NUMB: variants seen among roughly 807,000 people sequenced by gnomAD.
NUMB encodes NUMB endocytic adaptor protein.
A neutral mutation model predicts 59.7 loss-of-function variants in NUMB; 29 were observed. That is an observed-to-expected ratio of 0.49 (90% confidence interval 0.36 to 0.66). The LOEUF (loss-of-function observed/expected upper bound fraction) is 0.66. Among genes scored for constraint, NUMB ranks in the 30% least tolerant of loss-of-function variants. The pLI is 0.00. For synonymous variants in NUMB, 288 were observed against 288.2 expected, an observed-to-expected ratio of 1.00 and a Z score of 0.01; for missense variants, 723 against 822.0, an observed-to-expected ratio of 0.88 and a Z score of 1.47.
intron 7 of NUMB, among the ~76,000 whole-genome samples, chr14:73,295,142 T>G (rs1178110965): frequency 7.0e-6 from 1 of 143,032 alleles, no homozygotes; most frequent in African/African-American, 2.6e-5. Context: ...AGCAAGGCAA[T>G]CTGACAGAGC....
Position 73,377,456 on chromosome 14 carries a change from C to T in NUMB, c.-100-10475G>A, listed in dbSNP as rs148904805. 4.6e-3 allele frequency among the ~76,000 whole-genome samples: 707 copies of T among 152,096 alleles called. 5 individuals carry two copies. Among genetic ancestry groups the T allele is most frequent in the South Asian group, 0.029 (141 of 4,804 alleles). On this transcript the variant is annotated intron_variant, in intron 2 of 12. Coordinates refer to ENST00000555238, the MANE Select transcript of NUMB (RefSeq NM_001005743.2). ...CAGAGTTCGAGACCAGCCTGGCCAA[C>T]ATGATGAAACCCATCTCTACTAAAA... is the stretch of plus-strand genomic sequence containing the variant.
At chr14:73,387,622 C>T (rs1425133298) in intron 2 of NUMB, among the ~76,000 whole-genome samples, 1 of 151,528 alleles carries the variant, frequency 6.6e-6, no homozygotes, top group Non-Finnish European at 1.5e-5. Context: ...ATTAAAGAGA[C>T]CTCCGGTGAC....
chr14:73,350,288 C>T (rs1433171590), intron 4 of NUMB, among the ~76,000 whole-genome samples: 1 of 151,514 alleles, frequency 6.6e-6, no homozygotes, highest in Non-Finnish European at 1.5e-5. Context: ...ATTCTCCTGC[C>T]TCAGCCTCCC....
intron 6 of NUMB, among the ~76,000 whole-genome samples, chr14:73,304,566 C>T (rs963057464): frequency 1.3e-5 from 2 of 152,048 alleles, no homozygotes; most frequent in African/African-American, 4.8e-5. Flanking sequence ...CCTCAGCCTC[C>T]CAAAGTATTA....
At chr14:73,442,043 C>T (rs972087634) in intron 1 of NUMB, among the ~76,000 whole-genome samples, 1 of 151,538 alleles carries the variant, frequency 6.6e-6, no homozygotes, top group Admixed American at 6.6e-5. Context: ...TACTTATGGG[C>T]ATATACACAA....
intron 2 of NUMB, among the ~76,000 whole-genome samples, chr14:73,399,015 G>C (rs940904715): frequency 1.3e-5 from 2 of 151,990 alleles, no homozygotes; most frequent in East Asian, 3.9e-4. Context: ...GTAAAATGTG[G>C]AAATACATAT....
chr14:73,455,090 T>G (rs780822628), intron 1 of NUMB, among the ~76,000 whole-genome samples: 21 of 152,214 alleles, frequency 1.4e-4, no homozygotes, highest in Non-Finnish European at 2.6e-4. Flanking sequence ...TGCCTTGCAG[T>G]CTTCCAAATG....
At chr14:73,358,433 T>C (rs989319001) in intron 3 of NUMB, among the ~76,000 whole-genome samples, 3 of 152,166 alleles carry the variant, frequency 2.0e-5, no homozygotes, top group African/African-American at 2.4e-5. Context: ...AACCTCCAGC[T>C]ACCCTAAACT....
At chr14:73,339,407 G>GC (rs1892515119) in intron 4 of NUMB, among the ~76,000 whole-genome samples, 1 of 152,068 alleles carries the variant, frequency 6.6e-6, no homozygotes, top group African/African-American at 2.4e-5. Flanking sequence ...GCACTCTCCT[G>GC]CCCCAGAGCC....
At chr14:73,339,693 T>C (rs1451474205) in intron 4 of NUMB, among the ~76,000 whole-genome samples, 3 of 152,070 alleles carry the variant, frequency 2.0e-5, no homozygotes, top group Non-Finnish European at 4.4e-5. Context: ...TGCCCAGCCA[T>C]TAACCATTCT....
At chr14:73,447,442 C>T (rs1303398067) in intron 1 of NUMB, among the ~76,000 whole-genome samples, 1 of 151,966 alleles carries the variant, frequency 6.6e-6, no homozygotes, top group East Asian at 1.9e-4. Context: ...GAGCCGAGAT[C>T]ACGCCATTGC....
chr14:73,422,294 T>C (rs1181043742), intron 1 of NUMB, among the ~76,000 whole-genome samples: 3 of 152,080 alleles, frequency 2.0e-5, no homozygotes, highest in Non-Finnish European at 2.9e-5. Flanking sequence ...CCTCTAATCA[T>C]TGTGGCAACC....
chr14:73,312,883 T>C (rs1450131928), intron 6 of NUMB, among the ~76,000 whole-genome samples: 1 of 152,128 alleles, frequency 6.6e-6, no homozygotes, highest in Non-Finnish European at 1.5e-5. Context: ...AGCCTGTCAT[T>C]GTTTGTTGTT....
chr14:73,298,303 C>T (rs1889910574), intron 6 of NUMB: 1 of 152,238 alleles, frequency 6.6e-6, no homozygotes, highest in Non-Finnish European at 1.5e-5. Flanking sequence ...CAAGTGATCC[C>T]CTTGTCCCAG....
intron 2 of NUMB, among the ~76,000 whole-genome samples, chr14:73,375,971 A>G (rs1387941482): frequency 2.0e-5 from 3 of 152,238 alleles, no homozygotes; most frequent in Admixed American, 6.5e-5. Flanking sequence ...ATGGTGAGAA[A>G]CTAGAAGCCT....
chr14:73,405,781 GT>G (rs1283415294), intron 2 of NUMB, among the ~76,000 whole-genome samples: 1 of 140,864 alleles, frequency 7.1e-6, no homozygotes, highest in African/African-American at 2.5e-5. Flanking sequence ...AAACTCTGTT[GT>G]TTTGGGTTTT....
intron 2 of NUMB, among the ~76,000 whole-genome samples, chr14:73,407,617 T>A (rs565182764): frequency 1.2e-3 from 179 of 152,344 alleles, no homozygotes; most frequent in Non-Finnish European, 2.2e-3. Context: ...GAATTTTACC[T>A]GCAAGTACTA....
At chr14:73,422,611 C>A (rs1192459139) in intron 1 of NUMB, among the ~76,000 whole-genome samples, 1 of 151,880 alleles carries the variant, frequency 6.6e-6, no homozygotes, top group African/African-American at 2.4e-5. Flanking sequence ...CTAGTGAGGG[C>A]CTCGGGAAGC....
At chr14:73,317,684 A>G (rs1204613909) in intron 5 of NUMB, among the ~76,000 whole-genome samples, 1 of 152,224 alleles carries the variant, frequency 6.6e-6, no homozygotes, top group Non-Finnish European at 1.5e-5. Flanking sequence ...TAACAGAGGC[A>G]TAACTATCTA....
Sources: allele counts gnomAD v4.1 joint callset (sites outside exome capture counted in the v4.1 genomes callset), GRCh38; gene constraint gnomAD v4.1.1; transcripts MANE v1.5; gene names NCBI Gene and HGNC (gene_info 2026-07-23, HGNC 2026-07-21).